The following RAD51B variants were observed in gnomAD, a reference collection of about 807,000 sequenced individuals.
The protein encoded by RAD51B is RAD51 paralog B, also known as DNA repair protein RAD51 homolog 2.
A neutral mutation model predicts 42.2 loss-of-function variants in RAD51B; 38 were observed. That is an observed-to-expected ratio of 0.90 (90% CI 0.70 to 1.18). RAD51B has a LOEUF of 1.18. RAD51B is among the 50% of genes most tolerant of loss of function. The pLI is 0.00. For synonymous variants in RAD51B, 154 were observed against 145.2 expected (o/e 1.06, Z -0.43); for missense variants, 373 against 400.7 (o/e 0.93, Z 0.59).
rs1447696495 is a variant in RAD51B, at chr14:67,829,909, T to G, written c.198+4332T>G. ...TACTTTGAAACTTTATAATAGGGAT[T>G]ACTTAGTTTGGGGGTCAGGAGGACC... On this transcript the variant is annotated intron_variant, in intron 3 of 10. Coordinates refer to ENST00000471583, the MANE Select transcript of RAD51B (RefSeq NM_133510.4). Among the ~76,000 whole-genome samples, 3 of 152,170 alleles carry G rather than the reference T, an allele frequency of 2.0e-5. No individual in the cohort carries two copies. In the East Asian group the frequency reaches 5.8e-4, roughly 29 times the overall value.
At chr14:68,092,207 G>T (rs1159467281) in intron 7 of RAD51B, among the ~76,000 whole-genome samples, 2 of 152,020 alleles carry the variant, frequency 1.3e-5, no homozygotes, top group African/African-American at 2.4e-5. Context: ...CACATGAACT[G>T]TAAAGTAGTT....
chr14:68,564,723 T>C (rs1229573658), intron 10 of RAD51B, among the ~76,000 whole-genome samples: 1 of 152,180 alleles, frequency 6.6e-6, no homozygotes, highest in African/African-American at 2.4e-5. Context: ...TGGTGTGGTG[T>C]TGATAATCAG....
chr14:68,052,682 G>A (rs1477415183), intron 7 of RAD51B, among the ~76,000 whole-genome samples: 1 of 151,032 alleles, frequency 6.6e-6, no homozygotes, highest in Non-Finnish European at 1.5e-5. Context: ...GTGCAATGGT[G>A]CCATCATAGC....
chr14:68,340,285 G>A (rs115858963), intron 8 of RAD51B, among the ~76,000 whole-genome samples: 2,330 of 152,294 alleles, frequency 0.015, 50 homozygotes, highest in African/African-American at 0.05. Context: ...GACAGGAATA[G>A]CCCTGTAAAA....
chr14:68,241,760 A>G (rs1397372300), intron 7 of RAD51B, among the ~76,000 whole-genome samples: 1 of 152,008 alleles, frequency 6.6e-6, no homozygotes, highest in Non-Finnish European at 1.5e-5. Flanking sequence ...TTTGTCTACC[A>G]TTCCCAAGAC....
intron 7 of RAD51B, among the ~76,000 whole-genome samples, chr14:68,200,718 A>T (rs1227236525): frequency 6.6e-6 from 1 of 152,138 alleles, no homozygotes; most frequent in Non-Finnish European, 1.5e-5. Context: ...CAGTGGTGTG[A>T]TCACGGCTCA....
intron 7 of RAD51B, among the ~76,000 whole-genome samples, chr14:68,183,791 T>A (rs1260917727): frequency 6.6e-6 from 1 of 151,906 alleles, no homozygotes; most frequent in African/African-American, 2.4e-5. Flanking sequence ...CTACAAAAAA[T>A]TTTTTAAATT....
intron 7 of RAD51B, among the ~76,000 whole-genome samples, chr14:68,117,524 TTCCCTCTCATAGAATAGC>T (rs1184308577): frequency 6.6e-6 from 1 of 152,196 alleles, no homozygotes; most frequent in East Asian, 1.9e-4. Flanking sequence ...GGACTTTCCT[TTCCCTCTCATAGAATAGC>T]AAATTTCTGC....
chr14:68,341,994 GA>G (rs564703474), intron 8 of RAD51B, among the ~76,000 whole-genome samples: 30 of 150,092 alleles, frequency 2.0e-4, no homozygotes, highest in South Asian at 4.2e-4. Context: ...TATAGTGTAA[GA>G]AAAAAAAAAT....
chr14:68,483,793 G>A (rs768782616), intron 10 of RAD51B, among the ~76,000 whole-genome samples: 85 of 152,316 alleles, frequency 5.6e-4, no homozygotes, highest in Non-Finnish European at 1.1e-3. Flanking sequence ...AGCCTTGCCT[G>A]GGGGCATTTC....
intron 7 of RAD51B, among the ~76,000 whole-genome samples, chr14:68,159,940 G>A (rs1030388111): frequency 9.9e-5 from 15 of 151,934 alleles, no homozygotes; most frequent in Non-Finnish European, 2.1e-4. Flanking sequence ...AATTTTTAGA[G>A]ACACAGATCA....
At chr14:68,451,192 A>G (rs1268166238) in intron 9 of RAD51B, among the ~76,000 whole-genome samples, 2 of 152,186 alleles carry the variant, frequency 1.3e-5, no homozygotes, top group African/African-American at 4.8e-5. Context: ...TAGAATTTTA[A>G]ACTCCTTATA....
At position 67,893,467 on chromosome 14, in the gene RAD51B, GACACACACAC is replaced by G. The variant is rs756541648; in HGVS notation, c.756+6297_756+6306del. Among the ~76,000 whole-genome samples the G allele has an allele frequency of 1.9e-3, 209 of 111,298 alleles. 8 individuals are homozygous for G. Among genetic ancestry groups the G allele is most frequent in the Non-Finnish European group, 2.6e-3 (149 of 57,314 alleles). 73.0% of individuals were successfully genotyped at this position (111,298 alleles called of 152,430 possible). A position where few individuals can be genotyped will look rare whatever the true frequency, so the allele number is the denominator to read the frequency against. ...TCATCTTCTCACACACACAGACACA[GACACACACAC>G]ACACACACACACACACACACACACA... On this transcript the variant is annotated intron_variant, in intron 7 of 10. Coordinates refer to ENST00000471583, the MANE Select transcript of RAD51B (RefSeq NM_133510.4).
intron 7 of RAD51B, among the ~76,000 whole-genome samples, chr14:68,026,778 C>A (rs1424407124): frequency 6.6e-6 from 1 of 151,990 alleles, no homozygotes; most frequent in African/African-American, 2.4e-5. Context: ...ACGGTTGAGT[C>A]CTGTTTTTAT....
chr14:68,230,341 A>G (rs2080122681), intron 7 of RAD51B, among the ~76,000 whole-genome samples: 1 of 152,212 alleles, frequency 6.6e-6, no homozygotes, highest in South Asian at 2.1e-4. Flanking sequence ...GGAGTAGAGG[A>G]AACAGAAACT....
chr14:68,542,884 G>T (rs1295146038), intron 10 of RAD51B, among the ~76,000 whole-genome samples: 2 of 152,056 alleles, frequency 1.3e-5, no homozygotes, highest in Non-Finnish European at 2.9e-5. Context: ...ATCTCCCATT[G>T]TTCCCTGTCT....
intron 7 of RAD51B, among the ~76,000 whole-genome samples, chr14:68,170,631 T>C (rs894023847): frequency 2.0e-5 from 3 of 152,210 alleles, no homozygotes; most frequent in Non-Finnish European, 4.4e-5. Context: ...ATAGTTTAGC[T>C]TATATTTTAT....
intron 7 of RAD51B, among the ~76,000 whole-genome samples, chr14:67,963,424 A>G (rs948229460): frequency 6.6e-6 from 1 of 152,102 alleles, no homozygotes; most frequent in Non-Finnish European, 1.5e-5. Context: ...TTTTTGTAGT[A>G]TTTGAATTTA....
chr14:68,409,524 AAAAAGG>A (rs2084364809), intron 8 of RAD51B, among the ~76,000 whole-genome samples: 1 of 152,242 alleles, frequency 6.6e-6, no homozygotes, highest in Non-Finnish European at 1.5e-5. Context: ...ACAAAGGCAG[AAAAAGG>A]AAAGGAGTAA....
Sources: gnomAD v4.1 joint callset for allele counts (sites outside exome capture counted in the v4.1 genomes callset) on GRCh38, gnomAD v4.1.1 for gene constraint, MANE v1.5 for transcripts, NCBI Gene and HGNC (gene_info 2026-07-23, HGNC 2026-07-21) for gene names.